PROM1: variants seen among roughly 807,000 people sequenced by gnomAD.
The protein encoded by PROM1 is prominin 1.
Under a neutral mutation model 116.9 loss-of-function variants are expected in PROM1, and 105 were observed. The ratio of observed to expected loss-of-function variants is 0.90; its 90% CI spans 0.77 to 1.06. The LOEUF is 1.06. PROM1 is among the 50% of genes least tolerant of loss of function. PROM1 has a pLI of 0.00. For missense variants in PROM1, 1,122 were observed against 1,045.2 expected (o/e 1.07, Z -1.01); for synonymous variants, 393 against 387.0 (o/e 1.02, Z -0.18).
chr4:15,970,168 C>A (rs956647387), intron 27 of PROM1, among the ~76,000 whole-genome samples: 1 of 139,436 alleles, frequency 7.2e-6, no homozygotes, highest in Non-Finnish European at 1.6e-5. Context: ...CTTTTCTTTT[C>A]TTTTTTTTTT....
chr4:16,025,082 G>A (rs961018894), intron 6 of PROM1, 110 bp downstream of exon 6: 12 of 1,325,420 alleles, frequency 9.1e-6, no homozygotes, highest in African/African-American at 2.9e-5. Context: ...ACCAGTCTAC[G>A]CTGATTCACT....
intron 5 of PROM1, among the ~76,000 whole-genome samples, chr4:16,030,712 CTA>C (rs1732477833): frequency 6.6e-6 from 1 of 152,080 alleles, no homozygotes; most frequent in Admixed American, 6.6e-5. Flanking sequence ...TAACACATAA[CTA>C]TATGTAATGC....
chr4:16,007,368 G>A (rs1725789684), intron 12 of PROM1, among the ~76,000 whole-genome samples: 1 of 152,208 alleles, frequency 6.6e-6, no homozygotes, highest in South Asian at 2.1e-4. Context: ...TTCCCGGAAG[G>A]GAGAACAACC....
intron 2 of PROM1, among the ~76,000 whole-genome samples, chr4:16,042,533 C>T (rs748986923): frequency 3.3e-5 from 5 of 152,174 alleles, no homozygotes; most frequent in Non-Finnish European, 5.9e-5. Context: ...CCTGACTTCA[C>T]GACTATGTGC....
At position 16,045,643 on chromosome 4, in the gene PROM1, CT is replaced by C. The variant is rs969400934; in HGVS notation, c.221-6643del. Among the ~76,000 whole-genome samples the C allele has an allele frequency of 7.2e-5, 11 of 152,176 alleles. No individual in the cohort carries two copies. In the East Asian group the frequency reaches 7.7e-4, roughly 11 times the overall value. ...AAGAATGAGAAAAAACAAAACAAAA[CT>C]TTTTTTTCAGCAGAAAGTAAACATA... On this transcript the variant is annotated intron_variant, in intron 2 of 27. Coordinates refer to ENST00000447510, the MANE Select transcript of PROM1 (RefSeq NM_006017.3).
At chr4:16,052,485 T>C (rs1362864218) in intron 2 of PROM1, among the ~76,000 whole-genome samples, 4 of 152,238 alleles carry the variant, frequency 2.6e-5, no homozygotes, top group African/African-American at 4.8e-5. Flanking sequence ...TGCTTTATTT[T>C]TTATTTCTTG....
At chr4:16,010,982 C>T (rs1239718297) in intron 11 of PROM1, among the ~76,000 whole-genome samples, 2 of 152,048 alleles carry the variant, frequency 1.3e-5, no homozygotes, top group Non-Finnish European at 2.9e-5. Context: ...GGATCCTTGG[C>T]CAAAAATGAC....
chr4:15,997,382 A>G (rs1359926063), intron 15 of PROM1, among the ~76,000 whole-genome samples: 1 of 150,032 alleles, frequency 6.7e-6, no homozygotes, highest in African/African-American at 2.4e-5. Flanking sequence ...CCCAGTGGTG[A>G]AATGGGCTCC....
chr4:15,981,647 G>C (rs1049665124), intron 23 of PROM1, among the ~76,000 whole-genome samples: 1 of 151,994 alleles, frequency 6.6e-6, no homozygotes, highest in South Asian at 2.1e-4. Context: ...TGAGATGCTT[G>C]CATCTTCATT....
At chr4:16,033,607 T>TC (rs1733289603) in intron 4 of PROM1, 98 bp from the exon 5 acceptor site, 1 of 1,092,976 alleles carries the variant, frequency 9.1e-7, no homozygotes, top group Admixed American at 3.1e-5. Context: ...TTTTTTTTTT[T>TC]GAGACAGGGT....
At chr4:15,980,579 G>A (rs1577799598) in intron 23 of PROM1, 42 bp from the exon 24 acceptor site, 28 of 1,174,432 alleles carry the variant, frequency 2.4e-5, no homozygotes, top group South Asian at 5.9e-5. Flanking sequence ...TTGAAGATAA[G>A]AAATGGGAAA....
chr4:15,988,103 C>G (rs368911183), intron 19 of PROM1, among the ~76,000 whole-genome samples: 16 of 152,282 alleles, frequency 1.1e-4, no homozygotes, highest in African/African-American at 3.1e-4. Flanking sequence ...GTCTCGATCT[C>G]CTGACCTGGT....
intron 5 of PROM1, among the ~76,000 whole-genome samples, chr4:16,032,807 C>G (rs1733033930): frequency 6.6e-6 from 1 of 152,140 alleles, no homozygotes; most frequent in Non-Finnish European, 1.5e-5. Context: ...GGATTAACAG[C>G]ACATAAAAGA....
chr4:16,061,196 T>C (rs1740235160), intron 2 of PROM1, among the ~76,000 whole-genome samples: 1 of 124,830 alleles, frequency 8.0e-6, no homozygotes, highest in Non-Finnish European at 1.9e-5. Context: ...ACAGGAAAAA[T>C]GGAGCCCCCC....
chr4:15,987,399 C>A (rs1303648179), intron 20 of PROM1, among the ~76,000 whole-genome samples: 4 of 152,110 alleles, frequency 2.6e-5, no homozygotes, highest in Non-Finnish European at 5.9e-5. Flanking sequence ...TGAAAGGGAC[C>A]AATGTACCTT....
At chr4:16,043,238 A>G (rs1735750690) in intron 2 of PROM1, among the ~76,000 whole-genome samples, 1 of 152,200 alleles carries the variant, frequency 6.6e-6, no homozygotes, top group Non-Finnish European at 1.5e-5. Context: ...AACTTGGTTT[A>G]GGAGTCAACA....
Position 15,999,616 on chromosome 4 carries a change from G to A in PROM1, c.1578+880C>T, listed in dbSNP as rs147810479. Among the ~76,000 whole-genome samples the A allele has an allele frequency of 1.2e-3, 175 of 152,162 alleles. 3 individuals carry two copies. In the East Asian group the frequency reaches 0.03, roughly 26 times the overall value. On this transcript the variant is annotated intron_variant, in intron 14 of 27. Transcript: ENST00000447510. Reference sequence around the variant, plus strand: ...AAGAAAAATTATCTTTGAATGATTCGACACTCTACAGGAGATAATGATGCC... The same window carrying A: ...AAGAAAAATTATCTTTGAATGATTCAACACTCTACAGGAGATAATGATGCC...
intron 26 of PROM1, among the ~76,000 whole-genome samples, chr4:15,973,967 C>A (rs1715376740): frequency 1.3e-5 from 2 of 152,162 alleles, no homozygotes. Flanking sequence ...CCTGGGGCTG[C>A]TGGACCAACA....
chr4:15,993,891 T>G, intron 16 of PROM1, 96 bp downstream of exon 16: 1 of 1,542,322 alleles, frequency 6.5e-7, no homozygotes, highest in South Asian at 1.3e-5. Flanking sequence ...AATTTTATCT[T>G]TTGCAAATTT....
Sources: gnomAD v4.1 joint callset for allele counts (sites outside exome capture counted in the v4.1 genomes callset) on GRCh38, gnomAD v4.1.1 for gene constraint, MANE v1.5 for transcripts, NCBI Gene and HGNC (gene_info 2026-07-23, HGNC 2026-07-21) for gene names.